Variants in UNC13C observed in about 807,000 individuals in gnomAD.
UNC13C encodes protein unc-13 homolog C.
A neutral mutation model predicts 245.4 loss-of-function variants in UNC13C; 174 were observed. The observed-to-expected ratio is 0.71, with a 90% confidence interval of 0.63 to 0.80. UNC13C has a LOEUF of 0.80. UNC13C is among the 30% of genes least tolerant of loss of function. The pLI is 0.00. For synonymous variants in UNC13C, 992 were observed against 895.1 expected, an observed-to-expected ratio of 1.11 and a Z score of -1.93; for missense variants, 2,829 against 2,602.9, an observed-to-expected ratio of 1.09 and a Z score of -1.89.
At chr15:54,087,533 A>T (rs1021212968) in intron 2 of UNC13C, among the ~76,000 whole-genome samples, 1 of 152,234 alleles carries the variant, frequency 6.6e-6, no homozygotes, top group Non-Finnish European at 1.5e-5. Context: ...AGTAATCAGC[A>T]TCTGCTAATT....
At chr15:54,235,192 C>A in intron 5 of UNC13C, 84 bp downstream of exon 5, 2 of 1,152,100 alleles carry the variant, frequency 1.7e-6, no homozygotes, top group South Asian at 1.3e-5. Flanking sequence ...CATTCACTGT[C>A]TAGCCTGTAA....
intron 1 of UNC13C, among the ~76,000 whole-genome samples, chr15:53,989,724 A>G (rs1005730861): frequency 6.6e-6 from 1 of 151,996 alleles, no homozygotes; most frequent in Non-Finnish European, 1.5e-5. Flanking sequence ...ACTCATCTTG[A>G]TTTACCTGTT....
At chr15:54,161,596 G>C (rs1050523088) in intron 4 of UNC13C, among the ~76,000 whole-genome samples, 10 of 151,858 alleles carry the variant, frequency 6.6e-5, no homozygotes, top group Admixed American at 5.9e-4. Flanking sequence ...TCTTGTTTTG[G>C]TGTTTTTAGG....
At chr15:53,973,067 T>C in the UNC13C span, among the ~76,000 whole-genome samples, 1 of 152,056 alleles carries the variant, frequency 6.6e-6, no homozygotes, top group Non-Finnish European at 1.5e-5. Context: ...AAAAAAGAAA[T>C]AGACATATTG....
intron 12 of UNC13C, 36 bp downstream of exon 12, chr15:54,297,962 G>A: frequency 2.3e-6 from 3 of 1,284,662 alleles, no homozygotes; most frequent in South Asian, 1.3e-5. Flanking sequence ...CAAAATATAA[G>A]AAATGTTCTT....
chr15:54,268,602 T>G (rs529198802), intron 10 of UNC13C, among the ~76,000 whole-genome samples: 4 of 152,116 alleles, frequency 2.6e-5, no homozygotes, highest in Non-Finnish European at 5.9e-5. Context: ...ATGGAAATAT[T>G]TTTGTGCTTT....
At chr15:54,180,054 C>T (rs7173051) in intron 4 of UNC13C, among the ~76,000 whole-genome samples, 16,188 of 151,924 alleles carry the variant, frequency 0.11, 1,453 homozygotes, top group African/African-American at 0.24. Flanking sequence ...CGTGCAGGTT[C>T]GTTACCTGGG....
intron 24 of UNC13C, among the ~76,000 whole-genome samples, chr15:54,516,633 T>A (rs1310785164): frequency 6.6e-6 from 1 of 151,988 alleles, no homozygotes; most frequent in Non-Finnish European, 1.5e-5. Context: ...ATCCTGTTTC[T>A]ACTAAAAATA....
the UNC13C span, among the ~76,000 whole-genome samples, chr15:53,875,292 G>A: frequency 6.6e-6 from 1 of 152,172 alleles, no homozygotes; most frequent in African/African-American, 2.4e-5. Context: ...ATGCCATCCT[G>A]GGGTGCAGTG....
chr15:53,841,050 G>A, the UNC13C span, among the ~76,000 whole-genome samples: 307 of 152,202 alleles, frequency 2.0e-3, no homozygotes, highest in African/African-American at 6.5e-3. Context: ...ACCAATGCGT[G>A]GATGGTCTCA....
chr15:54,203,503 TACAC>T (rs1165484476), intron 4 of UNC13C, among the ~76,000 whole-genome samples: 59 of 135,330 alleles, frequency 4.4e-4, no homozygotes, highest in African/African-American at 1.3e-3. Context: ...TATATATATA[TACAC>T]ACACACACAC....
intron 17 of UNC13C, among the ~76,000 whole-genome samples, chr15:54,341,268 T>C (rs372770250): frequency 1.3e-5 from 2 of 152,190 alleles, no homozygotes; most frequent in African/African-American, 4.8e-5. Flanking sequence ...TGGTATACTA[T>C]GTAGCCATCA....
chr15:53,983,185 A>C (rs570701973), intron 1 of UNC13C, among the ~76,000 whole-genome samples: 3 of 152,256 alleles, frequency 2.0e-5, no homozygotes, highest in African/African-American at 7.2e-5. Flanking sequence ...TAGCATTAGG[A>C]TACTTAGCTG....
chr15:54,548,348 A>G (rs1327983258), intron 27 of UNC13C, among the ~76,000 whole-genome samples: 1 of 149,254 alleles, frequency 6.7e-6, no homozygotes, highest in East Asian at 2.0e-4. Flanking sequence ...CAGCCTCCCA[A>G]GTAGCTGGGA....
At chr15:54,620,080 A>C (rs1179545343) in intron 30 of UNC13C, among the ~76,000 whole-genome samples, 1 of 152,150 alleles carries the variant, frequency 6.6e-6, no homozygotes, top group Non-Finnish European at 1.5e-5. Context: ...AGTTCTCAAG[A>C]CTATGTTTGA....
At chr15:53,868,144 T>C in the UNC13C span, among the ~76,000 whole-genome samples, 1 of 152,182 alleles carries the variant, frequency 6.6e-6, no homozygotes. Context: ...CACAAGCTTT[T>C]ATCATATTAA....
the UNC13C span, among the ~76,000 whole-genome samples, chr15:53,923,767 G>C: frequency 1.3e-5 from 2 of 152,196 alleles, no homozygotes; most frequent in Non-Finnish European, 2.9e-5. Context: ...GTTTGTAAGT[G>C]CTCCAAGGCT....
At chr15:54,124,014 T>G (rs1456277883) in intron 2 of UNC13C, among the ~76,000 whole-genome samples, 2 of 152,190 alleles carry the variant, frequency 1.3e-5, no homozygotes, top group East Asian at 1.9e-4. Flanking sequence ...TTCAAATTAT[T>G]GCATGTATCA....
chr15:54,309,364 C>T (rs1022060799), intron 13 of UNC13C, among the ~76,000 whole-genome samples: 1 of 151,708 alleles, frequency 6.6e-6, no homozygotes, highest in African/African-American at 2.4e-5. Context: ...TGTTTTCTTG[C>T]TGTTTAATTA....
Sources: gnomAD v4.1 joint callset for allele counts (sites outside exome capture counted in the v4.1 genomes callset) on GRCh38, gnomAD v4.1.1 for gene constraint, MANE v1.5 for transcripts, NCBI Gene and HGNC (gene_info 2026-07-23, HGNC 2026-07-21) for gene names.